The following PDE1C variants were observed in gnomAD, a reference collection of about 807,000 sequenced individuals.
The protein encoded by PDE1C is dual specificity calcium/calmodulin-dependent 3',5'-cyclic nucleotide phosphodiesterase 1C.
PDE1C carries 62 observed loss-of-function variants against 93.1 expected under a neutral mutation model. That is an observed-to-expected ratio of 0.67 (90% CI 0.54 to 0.82). The LOEUF is 0.82. Among genes scored for constraint, PDE1C ranks in the 40% least tolerant of loss-of-function variants. The pLI is 0.00. For missense variants in PDE1C, 742 were observed against 884.6 expected (o/e 0.84, Z 2.04); for synonymous variants, 325 against 310.1 (o/e 1.05, Z -0.50).
the PDE1C span, among the ~76,000 whole-genome samples, chr7:31,682,704 C>T: frequency 2.0e-5 from 3 of 152,094 alleles, no homozygotes; most frequent in South Asian, 4.1e-4. Flanking sequence ...TTGCAATAGA[C>T]GAAACTGCAG....
At chr7:31,842,733 A>C (rs1284210089) in intron 9 of PDE1C, among the ~76,000 whole-genome samples, 2 of 150,742 alleles carry the variant, frequency 1.3e-5, no homozygotes, top group Non-Finnish European at 3.0e-5. Context: ...TTTTCTTTTT[A>C]TTTTTTCTAT....
At position 32,385,216 on chromosome 7, in the gene PDE1C, A is replaced by G. The variant is rs1784600157; in HGVS notation, c.310+42606T>C. Among the ~76,000 whole-genome samples the G allele has an allele frequency of 4.6e-5, 7 of 152,292 alleles. No homozygotes were observed. In the South Asian group the frequency reaches 1.2e-3, roughly 27 times the overall value. On this transcript the variant is annotated intron_variant, in intron 1 of 1. Transcript: ENST00000672256. Reference sequence around the variant, plus strand: ...ATGAATTCACCTTTGTACTTGCTGCATTTTTGAGGCTCCTCTGAAATTCTA... The same window carrying G: ...ATGAATTCACCTTTGTACTTGCTGCGTTTTTGAGGCTCCTCTGAAATTCTA...
intron 3 of PDE1C, among the ~76,000 whole-genome samples, chr7:32,084,110 T>C (rs1426302727): frequency 1.3e-5 from 2 of 151,988 alleles, no homozygotes; most frequent in East Asian, 3.9e-4. Context: ...GAAACCCATC[T>C]CACGTGCAGA....
intron 2 of PDE1C, among the ~76,000 whole-genome samples, chr7:32,044,372 A>G (rs953754584): frequency 6.6e-6 from 1 of 152,198 alleles, no homozygotes; most frequent in Non-Finnish European, 1.5e-5. Context: ...GAACAAGGTA[A>G]CAGACAAAGC....
At chr7:32,185,194 G>A (rs1313610143) in intron 2 of PDE1C, among the ~76,000 whole-genome samples, 2 of 145,748 alleles carry the variant, frequency 1.4e-5, no homozygotes, top group East Asian at 4.0e-4. Context: ...GATGTGAGCT[G>A]AGATAGTGCC....
At chr7:31,914,155 C>A (rs969422342) in intron 2 of PDE1C, among the ~76,000 whole-genome samples, 1 of 152,146 alleles carries the variant, frequency 6.6e-6, no homozygotes. Context: ...GTTTCAAAGT[C>A]AATTTTATAT....
chr7:31,643,828 C>CA, the PDE1C span: 6 of 1,613,934 alleles, frequency 3.7e-6, no homozygotes, highest in Non-Finnish European at 5.1e-6. Flanking sequence ...CGGGGAGAGG[C>CA]AAAGCCCTGG....
chr7:32,157,964 T>C (rs1033485758), intron 3 of PDE1C, among the ~76,000 whole-genome samples: 2 of 152,204 alleles, frequency 1.3e-5, no homozygotes, highest in East Asian at 1.9e-4. Flanking sequence ...TACAGCCAGA[T>C]TGAGTGCTAT....
intron 1 of PDE1C, among the ~76,000 whole-genome samples, chr7:32,391,765 A>G (rs1554316513): frequency 6.6e-6 from 1 of 152,150 alleles, no homozygotes; most frequent in Non-Finnish European, 1.5e-5. Flanking sequence ...AATTACAGGG[A>G]AAGTAAGAAA....
At chr7:31,917,156 A>G (rs1305746778) in intron 2 of PDE1C, among the ~76,000 whole-genome samples, 3 of 152,142 alleles carry the variant, frequency 2.0e-5, no homozygotes, top group Non-Finnish European at 2.9e-5. Context: ...AATGGTCCCA[A>G]TCCTGACTCC....
intron 2 of PDE1C, among the ~76,000 whole-genome samples, chr7:31,997,436 A>G (rs1382238857): frequency 1.3e-5 from 2 of 152,212 alleles, no homozygotes; most frequent in Admixed American, 6.5e-5. Flanking sequence ...CAAAAATCAG[A>G]GCCCTAATGC....
At chr7:31,997,247 C>T (rs558696366) in intron 2 of PDE1C, among the ~76,000 whole-genome samples, 1 of 152,208 alleles carries the variant, frequency 6.6e-6, no homozygotes, top group East Asian at 1.9e-4. Context: ...TAATTTCTTA[C>T]CTCTAAAATG....
At chr7:32,082,751 G>A (rs1372833971) in intron 3 of PDE1C, among the ~76,000 whole-genome samples, 1 of 152,222 alleles carries the variant, frequency 6.6e-6, no homozygotes, top group Non-Finnish European at 1.5e-5. Flanking sequence ...AGCGTCTGAA[G>A]TGGACCTCTA....
chr7:32,263,550 A>G (rs1329960123), intron 1 of PDE1C, among the ~76,000 whole-genome samples: 3 of 152,216 alleles, frequency 2.0e-5, no homozygotes, highest in African/African-American at 7.2e-5. Flanking sequence ...CTGATACAGT[A>G]CTTTAATCTC....
intron 3 of PDE1C, among the ~76,000 whole-genome samples, chr7:32,135,445 A>C (rs1800153085): frequency 6.6e-6 from 1 of 152,222 alleles, no homozygotes; most frequent in Non-Finnish European, 1.5e-5. Flanking sequence ...CAAACAAAAA[A>C]TGTTCAAATG....
chr7:32,071,272 G>C (rs1796032148), upstream of PDE1C: 1 of 985,362 alleles, frequency 1.0e-6, no homozygotes, highest in South Asian at 4.7e-5. Flanking sequence ...CCGGGGCCAG[G>C]GCACGCAGAA....
chr7:31,820,258 A>T (rs964295177), intron 14 of PDE1C, among the ~76,000 whole-genome samples: 3 of 152,058 alleles, frequency 2.0e-5, no homozygotes, highest in Non-Finnish European at 4.4e-5. Flanking sequence ...TTTTAATAAT[A>T]GTTATATATG....
chr7:31,842,841 AC>A (rs778025646), intron 9 of PDE1C, among the ~76,000 whole-genome samples: 33 of 151,814 alleles, frequency 2.2e-4, no homozygotes, highest in Admixed American at 7.2e-4. Context: ...TGTGTTTGGA[AC>A]TTTTTTCTTT....
chr7:31,759,693 G>A (rs758938), intron 17 of PDE1C, among the ~76,000 whole-genome samples: 71,170 of 151,974 alleles, frequency 0.47, 17,076 homozygotes, highest in African/African-American at 0.5. Context: ...ATACATCACC[G>A]TCCTTTATTT....
Sources: allele counts gnomAD v4.1 joint callset (sites outside exome capture counted in the v4.1 genomes callset), GRCh38; gene constraint gnomAD v4.1.1; transcripts MANE v1.5; gene names NCBI Gene and HGNC (gene_info 2026-07-23, HGNC 2026-07-21).